The following PPP3CA variants were observed in gnomAD, a reference collection of about 807,000 sequenced individuals.
PPP3CA encodes the protein CAM-PRP catalytic subunit.
Under a neutral mutation model 66.5 loss-of-function variants are expected in PPP3CA, and 14 were observed. That is an observed-to-expected ratio of 0.21 (90% CI 0.14 to 0.33). The LOEUF (loss-of-function observed/expected upper bound fraction) is 0.33. Ranked by LOEUF, PPP3CA falls within the 10% of genes least tolerant of loss-of-function variation. The pLI, the probability that PPP3CA is intolerant of heterozygous loss-of-function variation, is 1.00. For missense variants in PPP3CA, 317 were observed against 639.5 expected, an observed-to-expected ratio of 0.50 and a Z score of 5.44; for synonymous variants, 232 against 226.2, an observed-to-expected ratio of 1.03 and a Z score of -0.23.
chr4:101,310,513 T>C (rs1272549037), intron 1 of PPP3CA, among the ~76,000 whole-genome samples: 1 of 152,048 alleles, frequency 6.6e-6, no homozygotes, highest in Non-Finnish European at 1.5e-5. Flanking sequence ...GACCCATCTC[T>C]ACAAAAATAA....
chr4:101,329,070 C>A (rs937014989), intron 1 of PPP3CA, among the ~76,000 whole-genome samples: 4 of 152,198 alleles, frequency 2.6e-5, no homozygotes, highest in Admixed American at 2.6e-4. Flanking sequence ...TTAAGTTTAT[C>A]ATGCAAGGCA....
At chr4:101,212,347 AAACTAACACAGG>A (rs1209060938) in intron 1 of PPP3CA, among the ~76,000 whole-genome samples, 1 of 152,142 alleles carries the variant, frequency 6.6e-6, no homozygotes, top group African/African-American at 2.4e-5. Flanking sequence ...TATCCTCAGC[AAACTAACACAGG>A]AACAGAAAAC....
chr4:101,095,481 A>G (rs924065139), intron 5 of PPP3CA, among the ~76,000 whole-genome samples: 1 of 152,348 alleles, frequency 6.6e-6, no homozygotes, highest in Admixed American at 6.5e-5. Flanking sequence ...CCATGTGCAG[A>G]GCTTAATGAT....
chr4:101,234,997 CTT>C (rs1486623761), intron 1 of PPP3CA, among the ~76,000 whole-genome samples: 2 of 151,618 alleles, frequency 1.3e-5, no homozygotes, highest in Admixed American at 6.6e-5. Context: ...AACAGGCACT[CTT>C]TACAAGTATT....
Position 101,316,482 on chromosome 4 carries a change from C to T in PPP3CA, c.58+30257G>A, listed in dbSNP as rs186005229. ...AATTACTGTTTCTGTCAGACAAACTCGGGTGGGATTTGTTTTATAAATACT... is the reference window on the plus strand; with the variant it reads ...AATTACTGTTTCTGTCAGACAAACTTGGGTGGGATTTGTTTTATAAATACT... On this transcript the variant is annotated intron_variant, in intron 1 of 13. Transcript: ENST00000394854. Among the ~76,000 whole-genome samples, 127 of 152,118 alleles carry T rather than the reference C, an allele frequency of 8.3e-4. 1 individual carries two copies. The highest frequency in any genetic ancestry group is 2.8e-3 in the African/African-American group (115 of 41,484).
At chr4:101,058,410 A>C (rs745947485) in intron 10 of PPP3CA, among the ~76,000 whole-genome samples, 61 of 152,178 alleles carry the variant, frequency 4.0e-4, no homozygotes, top group Non-Finnish European at 7.9e-4. Context: ...TGAGAGATAA[A>C]GCTCATCTTT....
At chr4:101,127,067 A>G (rs550453792) in intron 2 of PPP3CA, among the ~76,000 whole-genome samples, 3 of 152,136 alleles carry the variant, frequency 2.0e-5, no homozygotes, top group Non-Finnish European at 4.4e-5. Flanking sequence ...GGGGACAGAA[A>G]TCTTGTTTTC....
At chr4:101,331,701 T>C (rs1729392851) in intron 1 of PPP3CA, among the ~76,000 whole-genome samples, 1 of 152,200 alleles carries the variant, frequency 6.6e-6, no homozygotes, top group Non-Finnish European at 1.5e-5. Flanking sequence ...AATCAACTTT[T>C]ATTATATGCC....
At chr4:101,328,476 C>T (rs1316623430) in intron 1 of PPP3CA, among the ~76,000 whole-genome samples, 1 of 152,198 alleles carries the variant, frequency 6.6e-6, no homozygotes, top group South Asian at 2.1e-4. Flanking sequence ...TAACTCCCTC[C>T]TCAAAATGTT....
At chr4:101,303,702 C>G (rs1174988231) in intron 1 of PPP3CA, among the ~76,000 whole-genome samples, 1 of 152,088 alleles carries the variant, frequency 6.6e-6, no homozygotes, top group Non-Finnish European at 1.5e-5. Context: ...GATGGATTCC[C>G]AGAAGTGGGA....
In PPP3CA at chr4:101,029,174, G is replaced by T; in HGVS notation, c.1361C>A (p.Ala454Asp). Residue 454 changes from alanine to aspartate, a missense_variant, in exon 13 of 14, where the codon GCT becomes GAT. This residue lies in a region of PPP3CA where 201 missense variants were observed against 501.4 expected (regional missense o/e 0.40). Coordinates refer to ENST00000394854, the MANE Select transcript of PPP3CA (RefSeq NM_000944.5). ...LQSATVEAIE[A>D]DEAIKGFSPQ... Reference sequence around the variant, plus strand: ...GGGACTGGCCAATTTACCTTCATCAGCCTCAATAGCCTCAACAGTAGCTGA... The same window carrying T: ...GGGACTGGCCAATTTACCTTCATCATCCTCAATAGCCTCAACAGTAGCTGA... 6.2e-7 allele frequency: 1 copy of T among 1,606,996 alleles called. No individual in the cohort carries two copies. Among genetic ancestry groups the T allele is most frequent in the Non-Finnish European group, 8.5e-7 (1 of 1,173,902 alleles).
At chr4:101,338,169 C>T (rs542368913) in intron 1 of PPP3CA, among the ~76,000 whole-genome samples, 1 of 152,290 alleles carries the variant, frequency 6.6e-6, no homozygotes, top group South Asian at 2.1e-4. Context: ...TCAACCTATA[C>T]ACCTTGTGAC....
chr4:101,040,366 A>T, intron 11 of PPP3CA, 116 bp downstream of exon 11: 2 of 746,638 alleles, frequency 2.7e-6, no homozygotes, highest in East Asian at 6.6e-5. Flanking sequence ...TCTAAAAGGA[A>T]AAAAAGACAA....
intron 2 of PPP3CA, among the ~76,000 whole-genome samples, chr4:101,145,829 T>C (rs1722952127): frequency 1.3e-5 from 2 of 152,168 alleles, no homozygotes; most frequent in South Asian, 2.1e-4. Flanking sequence ...ATCACTGAAG[T>C]TGACACATGG....
chr4:101,037,080 G>A (rs1009546214), intron 11 of PPP3CA, among the ~76,000 whole-genome samples: 3 of 152,254 alleles, frequency 2.0e-5, no homozygotes, highest in Admixed American at 2.0e-4. Flanking sequence ...AGCTGGGAAG[G>A]GTAACAGTAC....
At chr4:101,280,773 T>A (rs1261777099) in intron 1 of PPP3CA, among the ~76,000 whole-genome samples, 2 of 141,188 alleles carry the variant, frequency 1.4e-5, no homozygotes, top group Non-Finnish European at 3.0e-5. Flanking sequence ...TGAGCTGAGA[T>A]CACCTCATTG....
At chr4:101,226,416 A>G (rs765960538) in intron 1 of PPP3CA, among the ~76,000 whole-genome samples, 1 of 151,758 alleles carries the variant, frequency 6.6e-6, no homozygotes, top group Admixed American at 6.6e-5. Flanking sequence ...TGCAATACGT[A>G]GTGCATATTT....
intron 2 of PPP3CA, chr4:101,170,964 T>G: frequency 3.6e-6 from 1 of 280,478 alleles, no homozygotes; most frequent in South Asian, 3.4e-5. Flanking sequence ...ATTTTGGTAT[T>G]TTTTAAAGTA....
chr4:101,282,122 A>G (rs754837323), intron 1 of PPP3CA, among the ~76,000 whole-genome samples: 1 of 152,238 alleles, frequency 6.6e-6, no homozygotes, highest in Non-Finnish European at 1.5e-5. Flanking sequence ...CAGTTATTCT[A>G]TATGAGCTTA....
Sources: gnomAD v4.1 joint callset for allele counts (sites outside exome capture counted in the v4.1 genomes callset) on GRCh38, gnomAD v4.1.1 for gene constraint, gnomAD v4.1.1 regional missense constraint, MANE v1.5 for transcripts, NCBI Gene and HGNC (gene_info 2026-07-23, HGNC 2026-07-21) for gene names.